ZCCHC7: variants seen among roughly 807,000 people sequenced by gnomAD.
The protein encoded by ZCCHC7 is zinc finger CCHC-type containing 7, also known as zinc finger CCHC domain-containing protein 7.
A neutral mutation model predicts 52.0 loss-of-function variants in ZCCHC7; 35 were observed. The ratio of observed to expected loss-of-function variants is 0.67; its 90% confidence interval spans 0.51 to 0.89. The LOEUF (loss-of-function observed/expected upper bound fraction) is 0.89, where lower values mean the gene tolerates loss of function less well. Ranked by LOEUF, ZCCHC7 falls within the 40% of genes least tolerant of loss-of-function variation. The pLI is 0.00. For synonymous variants in ZCCHC7, 217 were observed against 221.5 expected, an observed-to-expected ratio of 0.98 and a Z score of 0.18; for missense variants, 574 against 649.1, an observed-to-expected ratio of 0.88 and a Z score of 1.26.
At chr9:37,212,800 A>G (rs1366867037) in intron 2 of ZCCHC7, among the ~76,000 whole-genome samples, 4 of 152,222 alleles carry the variant, frequency 2.6e-5, no homozygotes, top group African/African-American at 9.6e-5. Flanking sequence ...TCAACAATAT[A>G]TCAGTGTATA....
chr9:37,151,228 A>T (rs1820509214), intron 2 of ZCCHC7, among the ~76,000 whole-genome samples: 2 of 151,922 alleles, frequency 1.3e-5, no homozygotes. Flanking sequence ...GGCCTCCCAA[A>T]GTGCTGGGAT....
In ZCCHC7 at chr9:37,231,493, G is replaced by A. The variant is rs73646336; in HGVS notation, c.611-70695G>A. 3.9e-3 allele frequency among the ~76,000 whole-genome samples: 596 copies of A among 152,178 alleles called. 3 individuals are homozygous for A. Among genetic ancestry groups the A allele is most frequent in the African/African-American group, 0.013 (558 of 41,512 alleles). Reference sequence around the variant, plus strand: ...GTTTTATATTTGTTCCTGGTTAATAGGTAAGCTGTTGTTTTGTATATTTTT... The same window carrying A: ...GTTTTATATTTGTTCCTGGTTAATAAGTAAGCTGTTGTTTTGTATATTTTT... On this transcript the variant is annotated intron_variant, in intron 2 of 8. Coordinates refer to ENST00000336755, the MANE Select transcript of ZCCHC7 (RefSeq NM_032226.3).
At chr9:37,124,830 T>C (rs763096035) in intron 1 of ZCCHC7, among the ~76,000 whole-genome samples, 100 of 152,246 alleles carry the variant, frequency 6.6e-4, no homozygotes, top group Non-Finnish European at 9.0e-4. Flanking sequence ...ATTATAAATA[T>C]ACATTGTAAA....
chr9:37,186,935 G>A (rs148735954), intron 2 of ZCCHC7: 14 of 310,060 alleles, frequency 4.5e-5, no homozygotes, highest in African/African-American at 2.1e-4. Flanking sequence ...ACTTTAAAAG[G>A]CAAGTGTATT....
chr9:37,235,888 C>T (rs1008421399), intron 2 of ZCCHC7, among the ~76,000 whole-genome samples: 8 of 151,624 alleles, frequency 5.3e-5, no homozygotes, highest in Admixed American at 5.3e-4. Flanking sequence ...GCACCTGGCC[C>T]TTATTCTTTT....
At chr9:37,276,875 A>C (rs1464926275) in intron 2 of ZCCHC7, among the ~76,000 whole-genome samples, 2 of 152,224 alleles carry the variant, frequency 1.3e-5, no homozygotes, top group African/African-American at 4.8e-5. Context: ...AAAATAGTCT[A>C]ACCCTTCTAC....
chr9:37,327,076 T>A (rs1830273581), intron 5 of ZCCHC7: 1 of 152,100 alleles, frequency 6.6e-6, no homozygotes, highest in African/African-American at 2.4e-5. Flanking sequence ...GAAAATATAT[T>A]CTAATCACTG....
chr9:37,264,040 A>G (rs981158199), intron 2 of ZCCHC7, among the ~76,000 whole-genome samples: 1 of 152,098 alleles, frequency 6.6e-6, no homozygotes, highest in Non-Finnish European at 1.5e-5. Flanking sequence ...TATGCATTAC[A>G]TTTCTAAGAT....
intron 2 of ZCCHC7, among the ~76,000 whole-genome samples, chr9:37,139,541 T>C (rs1215460040): frequency 6.6e-6 from 1 of 152,036 alleles, no homozygotes; most frequent in Non-Finnish European, 1.5e-5. Flanking sequence ...AATGTATAGC[T>C]TTTATTTCTA....
chr9:37,149,393 A>G (rs1411455069), intron 2 of ZCCHC7, among the ~76,000 whole-genome samples: 1 of 152,160 alleles, frequency 6.6e-6, no homozygotes, highest in Non-Finnish European at 1.5e-5. Flanking sequence ...ATCACTGAAC[A>G]ATATTTTCCT....
At chr9:37,303,311 G>A (rs1025824778) in intron 3 of ZCCHC7, among the ~76,000 whole-genome samples, 2 of 151,912 alleles carry the variant, frequency 1.3e-5, no homozygotes, top group Non-Finnish European at 2.9e-5. Context: ...TGTAGTCCCA[G>A]CTACTCGGAA....
Position 37,354,901 on chromosome 9 carries a change from T to C in ZCCHC7, c.1198+77T>C, listed in dbSNP as rs1821603869. 2 of 896,064 alleles carry C rather than the reference T, an allele frequency of 2.2e-6. No individual in the cohort carries two copies. Among genetic ancestry groups the C allele is most frequent in the East Asian group, 5.1e-5 (2 of 39,496 alleles). 55.5% of individuals were successfully genotyped at this position (896,064 alleles called of 1,614,324 possible). On this transcript the variant is annotated intron_variant, in intron 8 of 8. Coordinates refer to ENST00000336755, the MANE Select transcript of ZCCHC7 (RefSeq NM_032226.3). This position sits in a 1 kb window ranked among gnomAD's most constrained non-coding sequence, Gnocchi z 4.0. ...CTTTGTTTGTACTGTCTTTGCCTGCTTTGGGGGTCATTGGTTAGCATAGAA... is the reference window on the plus strand; with the variant it reads ...CTTTGTTTGTACTGTCTTTGCCTGCCTTGGGGGTCATTGGTTAGCATAGAA...
intron 5 of ZCCHC7, among the ~76,000 whole-genome samples, chr9:37,312,334 C>G (rs1742489779): frequency 6.6e-6 from 1 of 152,112 alleles, no homozygotes; most frequent in African/African-American, 2.4e-5. Context: ...ATATGCCAGA[C>G]AGTATTCCAA....
chr9:37,127,537 T>C (rs1398642474), intron 2 of ZCCHC7, among the ~76,000 whole-genome samples: 1 of 152,194 alleles, frequency 6.6e-6, no homozygotes, highest in Non-Finnish European at 1.5e-5. Context: ...ATTAAAATTT[T>C]GGTGTTAGTT....
intron 2 of ZCCHC7, among the ~76,000 whole-genome samples, chr9:37,247,478 G>C (rs1826128741): frequency 6.6e-6 from 1 of 152,122 alleles, no homozygotes; most frequent in Non-Finnish European, 1.5e-5. Flanking sequence ...TTTAAAACTT[G>C]AATACCCCAT....
chr9:37,306,058 T>C (rs1829287400), intron 5 of ZCCHC7, among the ~76,000 whole-genome samples: 1 of 136,586 alleles, frequency 7.3e-6, no homozygotes, highest in African/African-American at 3.7e-5. Flanking sequence ...TGTGTATTCA[T>C]ATTTATTTAT....
intron 6 of ZCCHC7, among the ~76,000 whole-genome samples, chr9:37,346,165 G>C (rs1233967456): frequency 6.6e-6 from 1 of 152,076 alleles, no homozygotes; most frequent in Non-Finnish European, 1.5e-5. Context: ...ACCACGCCTA[G>C]CTAATTTTTG....
chr9:37,205,255 G>A (rs1823842584), intron 2 of ZCCHC7: 23 of 343,084 alleles, frequency 6.7e-5, no homozygotes, highest in South Asian at 5.8e-4. Flanking sequence ...CATTTGTGAG[G>A]TGTTCCTTTT....
chr9:37,125,304 T>A (rs1842495921), intron 1 of ZCCHC7, among the ~76,000 whole-genome samples: 1 of 152,194 alleles, frequency 6.6e-6, no homozygotes, highest in South Asian at 2.1e-4. Flanking sequence ...AGGTTTGCAC[T>A]GCCATGCCTG....
Sources: gnomAD v4.1 joint callset for allele counts (sites outside exome capture counted in the v4.1 genomes callset) on GRCh38, gnomAD v4.1.1 for gene constraint, Gnocchi (gnomAD v3.1) non-coding constraint, MANE v1.5 for transcripts, NCBI Gene and HGNC (gene_info 2026-07-23, HGNC 2026-07-21) for gene names.